TBX4: variants seen among roughly 807,000 people sequenced by gnomAD.
TBX4 encodes the protein T-box transcription factor 4.
In TBX4, 13 loss-of-function variants were observed where a neutral mutation model predicts 54.6. The observed-to-expected ratio is 0.24, with a 90% confidence interval of 0.15 to 0.38. The LOEUF (loss-of-function observed/expected upper bound fraction) is 0.38, where lower values mean the gene tolerates loss of function less well. Ranked by LOEUF, TBX4 falls within the 10% of genes least tolerant of loss-of-function variation. The probability of loss-of-function intolerance (pLI) is 1.00; values close to 1 mark genes in which losing one functional copy is unlikely to be tolerated. For synonymous variants in TBX4, 314 were observed against 306.7 expected, an observed-to-expected ratio of 1.02 and a Z score of -0.25; for missense variants, 631 against 728.5, an observed-to-expected ratio of 0.87 and a Z score of 1.54.
intron 5 of TBX4, among the ~76,000 whole-genome samples, chr17:61,473,029 C>A (rs569097373): frequency 6.6e-6 from 1 of 152,278 alleles, no homozygotes; most frequent in East Asian, 1.9e-4. Flanking sequence ...TATTTTTTCA[C>A]ATAAATTTTA....
rs1425080632 is a variant in TBX4 at position 61,464,393 on chromosome 17, G to A, written c.282-1426G>A. The A allele has an allele frequency of 6.6e-6, 1 of 152,276 alleles. No homozygotes were observed. The highest frequency in any genetic ancestry group is 1.5e-5 in the Non-Finnish European group (1 of 68,092). The allele number at this position is 152,276 out of a possible 1,614,324, so 9.4% of individuals were successfully genotyped here. On this transcript the variant is annotated intron_variant, in intron 3 of 8. Coordinates refer to ENST00000644296, the MANE Select transcript of TBX4 (RefSeq NM_001321120.2). The surrounding 1 kb of genome is among the most constrained non-coding windows in gnomAD (Gnocchi z 5.8). ...CTTATAGAGGCCTTGATCCTTTCTG[G>A]AAGCCCTGTTCTGTCCAGGTAAGCT...
At chr17:61,473,528 T>C (rs1700490394) in intron 5 of TBX4, among the ~76,000 whole-genome samples, 1 of 152,188 alleles carries the variant, frequency 6.6e-6, no homozygotes, top group South Asian at 2.1e-4. Flanking sequence ...CCCAGAGCTA[T>C]TTATCTCCCT....
intron 1 of TBX4, among the ~76,000 whole-genome samples, chr17:61,455,280 G>GA (rs973399048): frequency 2.0e-5 from 3 of 152,248 alleles, no homozygotes; most frequent in Non-Finnish European, 4.4e-5. Flanking sequence ...TGAGCCCGGG[G>GA]ATGCTCCGGG....
chr17:61,463,673 A>G (rs150715581), intron 3 of TBX4, among the ~76,000 whole-genome samples: 6 of 152,350 alleles, frequency 3.9e-5, no homozygotes, highest in African/African-American at 1.4e-4. Flanking sequence ...CTATGTGGAC[A>G]CTGGCCCTGG....
chr17:61,462,729 C>T lies in TBX4; in HGVS notation c.282-3090C>T, dbSNP rs1442689408. ...CACCTCCCCCACCCCAACACACAAA[C>T]AGGGAGGCGTTGCTTTCCACCGTAG... is the stretch of plus-strand genomic sequence containing the variant. On this transcript the variant is annotated intron_variant, in intron 3 of 8. Coordinates refer to ENST00000644296, the MANE Select transcript of TBX4 (RefSeq NM_001321120.2). The surrounding 1 kb of genome is among the most constrained non-coding windows in gnomAD (Gnocchi z 4.5). 6.6e-6 allele frequency: 1 copy of T among 152,150 alleles called. No homozygotes were observed. The highest frequency in any genetic ancestry group is 2.4e-5 in the African/African-American group (1 of 41,428). 9.4% of individuals were successfully genotyped at this position (152,150 alleles called of 1,614,324 possible).
At position 61,462,641 on chromosome 17, in the gene TBX4, G is replaced by GA; in HGVS notation, c.282-3178_282-3177insA. On this transcript the variant is annotated intron_variant, in intron 3 of 8. Coordinates refer to ENST00000644296, the MANE Select transcript of TBX4 (RefSeq NM_001321120.2). The surrounding 1 kb of genome is among the most constrained non-coding windows in gnomAD (Gnocchi z 4.5). ...GTGCCCGGGACAGGCGGGCTTCACC[G>GA]CCAGCGCTGGTGGCAGGGCCTGCGT... Among the ~76,000 whole-genome samples, 1 of 152,178 alleles carries GA rather than the reference G, an allele frequency of 6.6e-6. No homozygotes were observed. The highest frequency in any genetic ancestry group is 1.9e-4 in the East Asian group (1 of 5,180).
chr17:61,483,300 C>T lies in TBX4; in HGVS notation c.1425C>T (p.Tyr475=), dbSNP rs1462554535. The T allele has an allele frequency of 1.2e-6, 2 of 1,613,152 alleles. No individual in the cohort carries two copies. Among genetic ancestry groups the T allele is most frequent in the African/African-American group, 1.3e-5 (1 of 75,050 alleles). The change falls in exon 9 of 9, where the codon TAC becomes TAT. Residue 475 remains tyrosine, a synonymous_variant. Coordinates refer to ENST00000644296, the MANE Select transcript of TBX4 (RefSeq NM_001321120.2). The surrounding 1 kb of genome is among the most constrained non-coding windows in gnomAD (Gnocchi z 6.6). The stretch of plus-strand genomic sequence containing the variant: ...CAGGAAATGCCCACTTTAGTGTCTA[C>T]AATCAGCTCTCCCAGTCTCAGGTCC... ...QPPGNAHFSV[Y]NQLSQSQVRE...
In TBX4 at chr17:61,483,902, AAAGATTCTCACTGCTGGGGTGGG is replaced by A. The variant is rs963326674; in HGVS notation, c.*396_*418del. ...AGGTGGGGAGTTCTCTCCCATGGGGAAAGATTCTCACTGCTGGGGTGGGAAGATTCTCGCTGCTGGGGTGTGAG... is the reference window on the plus strand; with the variant it reads ...AGGTGGGGAGTTCTCTCCCATGGGGAAAGATTCTCGCTGCTGGGGTGTGAG... On this transcript the variant is annotated 3_prime_UTR_variant, in exon 9 of 9. Transcript: ENST00000644296. This position sits in a 1 kb window ranked among gnomAD's most constrained non-coding sequence, Gnocchi z 6.6. The A allele has an allele frequency of 1.2e-4, 33 of 272,448 alleles. No homozygotes were observed. Among genetic ancestry groups the A allele is most frequent in the Non-Finnish European group, 2.0e-4 (28 of 139,116 alleles). 16.9% of individuals were successfully genotyped at this position (272,448 alleles called of 1,614,324 possible).
chr17:61,477,772 C>G (rs548554245), intron 5 of TBX4, among the ~76,000 whole-genome samples: 5 of 151,974 alleles, frequency 3.3e-5, no homozygotes, highest in Non-Finnish European at 7.4e-5. Context: ...GAAACCCTGT[C>G]TCTTCTAAAA....
At position 61,480,409 on chromosome 17, in the gene TBX4, A is replaced by G. The variant is rs2060656303; in HGVS notation, c.1021+90A>G. 1.0e-6 allele frequency: 1 copy of G among 992,352 alleles called. No homozygotes were observed. Among genetic ancestry groups the G allele is most frequent in the South Asian group, 1.4e-5 (1 of 72,488 alleles). The allele number at this position is 992,352 out of a possible 1,614,324, so 61.5% of individuals were successfully genotyped here. Reference sequence around the variant, plus strand: ...ACTCTGCAGCGCCCCCCCCCCCAACACACACACACTCATCTCGTGCTTGTG... The same window carrying G: ...ACTCTGCAGCGCCCCCCCCCCCAACGCACACACACTCATCTCGTGCTTGTG... On this transcript the variant is annotated intron_variant, in intron 8 of 8. Coordinates refer to ENST00000644296, the MANE Select transcript of TBX4 (RefSeq NM_001321120.2). This position sits in a 1 kb window ranked among gnomAD's most constrained non-coding sequence, Gnocchi z 6.2.
At position 61,482,919 on chromosome 17, in the gene TBX4, C is replaced by T; in HGVS notation, c.1044C>T (p.Asp348=). The change falls in exon 9 of 9, where the codon GAC becomes GAT. Residue 348 remains aspartate, a synonymous_variant. Transcript: ENST00000644296. The part of the protein sequence containing the change: ...KRRADGTRHL[D]LPCKRSYLEA... ...CAGCAGACGGTACCCGCCACCTGGA[C>T]TTACCTTGCAAGCGATCCTATCTGG... 3 of 1,613,846 alleles carry T rather than the reference C, an allele frequency of 1.9e-6. No individual in the cohort carries two copies. The highest frequency in any genetic ancestry group is 2.5e-6 in the Non-Finnish European group (3 of 1,179,914).
intron 5 of TBX4, among the ~76,000 whole-genome samples, chr17:61,473,846 C>T (rs969465941): frequency 2.0e-5 from 3 of 152,214 alleles, no homozygotes; most frequent in African/African-American, 7.2e-5. Context: ...ATAAGCTATG[C>T]TCAGTAAGTG....
At chr17:61,477,471 G>C (rs1008352394) in intron 5 of TBX4, among the ~76,000 whole-genome samples, 1 of 152,188 alleles carries the variant, frequency 6.6e-6, no homozygotes, top group African/African-American at 2.4e-5. Context: ...CCTTGGGATC[G>C]GGGGCCTCTT....
chr17:61,466,295 TG>T (rs990991976), intron 4 of TBX4, among the ~76,000 whole-genome samples: 2 of 152,142 alleles, frequency 1.3e-5, no homozygotes, highest in Non-Finnish European at 2.9e-5. Flanking sequence ...AGTGCTTCAC[TG>T]TGGGGAAGAT....
chr17:61,478,571 G>A lies in TBX4; in HGVS notation c.550-56G>A. Reference sequence around the variant, plus strand: ...CCAGGGCCAGAAGAATGAGGTCAAGGGCCTGGGGCTTGCGGATGGGGACCT... The same window carrying A: ...CCAGGGCCAGAAGAATGAGGTCAAGAGCCTGGGGCTTGCGGATGGGGACCT... On this transcript the variant is annotated intron_variant, in intron 5 of 8. Transcript: ENST00000644296. The surrounding 1 kb of genome is among the most constrained non-coding windows in gnomAD (Gnocchi z 7.4). The A allele has an allele frequency of 2.5e-6, 4 of 1,612,786 alleles. No individual in the cohort carries two copies. The highest frequency in any genetic ancestry group is 1.7e-6 in the Non-Finnish European group (2 of 1,178,836).
intron 4 of TBX4, 140 bp downstream of exon 4, chr17:61,466,078 T>A: frequency 7.1e-7 from 1 of 1,398,734 alleles, no homozygotes; most frequent in Non-Finnish European, 1.0e-6. Context: ...TGCCTGGAAC[T>A]GGCTGTGCGG....
At position 61,480,421 on chromosome 17, in the gene TBX4, AT is replaced by A; in HGVS notation, c.1021+103del. On this transcript the variant is annotated intron_variant, in intron 8 of 8. Coordinates refer to ENST00000644296, the MANE Select transcript of TBX4 (RefSeq NM_001321120.2). This position sits in a 1 kb window ranked among gnomAD's most constrained non-coding sequence, Gnocchi z 6.2. ...CCCCCCCCCCAACACACACACACTC[AT>A]CTCGTGCTTGTGTGGCCTGGGAGAG... is the stretch of plus-strand genomic sequence containing the variant. The A allele has an allele frequency of 1.0e-6, 1 of 994,746 alleles. No homozygotes were observed. The highest frequency in any genetic ancestry group is 1.5e-6 in the Non-Finnish European group (1 of 655,954). 61.6% of individuals were successfully genotyped at this position (994,746 alleles called of 1,614,324 possible). A position where few individuals can be genotyped will look rare whatever the true frequency, so the allele number is the denominator to read the frequency against.
rs963537391 is a variant in TBX4 at position 61,476,469 on chromosome 17, A to T, written c.550-2158A>T. Among the ~76,000 whole-genome samples the T allele has an allele frequency of 3.3e-5, 5 of 152,188 alleles. No homozygotes were observed. The highest frequency in any genetic ancestry group is 1.2e-4 in the African/African-American group (5 of 41,444). On this transcript the variant is annotated intron_variant, in intron 5 of 8. Coordinates refer to ENST00000644296, the MANE Select transcript of TBX4 (RefSeq NM_001321120.2). This position sits in a 1 kb window ranked among gnomAD's most constrained non-coding sequence, Gnocchi z 6.5. ...TTCCGGGAACGTGGGTCCTTTGTGG[A>T]TGCCTGCAGCTCTGTGAATAGTGCA... is the stretch of plus-strand genomic sequence containing the variant.
rs985530593 is a variant in TBX4, at chr17:61,478,236, G to A, written c.550-391G>A. On this transcript the variant is annotated intron_variant, in intron 5 of 8. Transcript: ENST00000644296. The surrounding 1 kb of genome is among the most constrained non-coding windows in gnomAD (Gnocchi z 7.4). ...CAGAGAAGCCCAGTGACTTGTCTGA[G>A]ATCAAACAGTGACTCGGTGGCACCC... The A allele has an allele frequency of 6.4e-6, 2 of 312,982 alleles. No individual in the cohort carries two copies. Among genetic ancestry groups the A allele is most frequent in the Non-Finnish European group, 1.2e-5 (2 of 161,302 alleles). The allele number at this position is 312,982 out of a possible 1,614,324, so 19.4% of individuals were successfully genotyped here. A position where few individuals can be genotyped will look rare whatever the true frequency, so the allele number is the denominator to read the frequency against.
Sources: gnomAD v4.1 joint callset for allele counts (sites outside exome capture counted in the v4.1 genomes callset) on GRCh38, gnomAD v4.1.1 for gene constraint, Gnocchi (gnomAD v3.1) non-coding constraint, MANE v1.5 for transcripts, NCBI Gene and HGNC (gene_info 2026-07-23, HGNC 2026-07-21) for gene names.